The following FREM1 variants were observed in gnomAD, a reference collection of about 807,000 sequenced individuals.
FREM1 encodes the protein FRAS1 related extracellular matrix 1.
In FREM1, 220 loss-of-function variants were observed where a neutral mutation model predicts 210.1. The ratio of observed to expected loss-of-function variants is 1.05; its 90% CI spans 0.94 to 1.17. The LOEUF (loss-of-function observed/expected upper bound fraction) is 1.17. FREM1 is among the 50% of genes most tolerant of loss of function. FREM1 has a pLI of 0.00. For missense variants in FREM1, 3,454 were observed against 2,675.5 expected (o/e 1.29, Z -6.42); for synonymous variants, 1,189 against 980.2 (o/e 1.21, Z -3.98).
At chr9:14,892,979 G>A (rs557452041) in intron 1 of FREM1, among the ~76,000 whole-genome samples, 1 of 152,284 alleles carries the variant, frequency 6.6e-6, no homozygotes, top group Admixed American at 6.5e-5. Context: ...TTGTCAGTTT[G>A]ATACTAGGTG....
intron 1 of FREM1, among the ~76,000 whole-genome samples, chr9:14,887,327 C>G (rs945381895): frequency 4.6e-5 from 7 of 152,192 alleles, no homozygotes; most frequent in African/African-American, 1.7e-4. Flanking sequence ...GAGGTCCCAG[C>G]AGGAGAGCAG....
chr9:14,809,115 G>T (rs1013216418), intron 16 of FREM1, among the ~76,000 whole-genome samples: 9 of 152,158 alleles, frequency 5.9e-5, no homozygotes, highest in African/African-American at 2.2e-4. Flanking sequence ...TCATGATAGT[G>T]AATGAGTCTC....
chr9:14,895,167 T>A (rs1837488742), intron 1 of FREM1, among the ~76,000 whole-genome samples: 1 of 152,198 alleles, frequency 6.6e-6, no homozygotes, highest in South Asian at 2.1e-4. Flanking sequence ...TATTTGAGAT[T>A]CCTTACGGAA....
intron 10 of FREM1, among the ~76,000 whole-genome samples, chr9:14,839,288 T>A (rs1415112519): frequency 6.6e-6 from 1 of 152,188 alleles, no homozygotes; most frequent in Non-Finnish European, 1.5e-5. Flanking sequence ...CAGGGATGAC[T>A]TCAGAGATTC....
chr9:14,866,751 A>G (rs1389596886), intron 2 of FREM1, among the ~76,000 whole-genome samples: 1 of 152,184 alleles, frequency 6.6e-6, no homozygotes, highest in Admixed American at 6.5e-5. Context: ...TCTTTATAAG[A>G]CACCCATATG....
intron 1 of FREM1, among the ~76,000 whole-genome samples, chr9:14,884,854 G>A (rs1835478254): frequency 6.7e-6 from 1 of 148,846 alleles, no homozygotes; most frequent in African/African-American, 2.5e-5. Context: ...CCAACACAAG[G>A]CAAGTGCCTT....
At chr9:14,817,772 G>C (rs985920930) in intron 14 of FREM1, among the ~76,000 whole-genome samples, 13 of 152,286 alleles carry the variant, frequency 8.5e-5, no homozygotes, top group Non-Finnish European at 1.8e-4. Context: ...AACTGAGGTT[G>C]AGGATTCCCT....
chr9:14,785,003 G>T (rs778791178), intron 23 of FREM1, among the ~76,000 whole-genome samples: 1 of 152,204 alleles, frequency 6.6e-6, no homozygotes, highest in Non-Finnish European at 1.5e-5. Context: ...TGGAAAGAGT[G>T]TAAATTGGTA....
At chr9:14,860,727 A>G (rs1353147369) in intron 3 of FREM1, among the ~76,000 whole-genome samples, 1 of 120,108 alleles carries the variant, frequency 8.3e-6, no homozygotes, top group Admixed American at 8.7e-5. Context: ...ACACATATAT[A>G]CACATATATA....
chr9:14,759,733 T>A (rs912089720), intron 28 of FREM1, 39 bp downstream of exon 28: 1 of 1,507,966 alleles, frequency 6.6e-7, no homozygotes, highest in Non-Finnish European at 8.9e-7. Context: ...AAGAACAACA[T>A]AAGTTTTAGC....
Position 14,771,075 on chromosome 9 carries a change from C to T in FREM1, c.4858-269G>A, listed in dbSNP as rs572710945. ...TGACTGCCACTTAGGATACAAGTTC[C>T]GAGAGGGCAGGCGTCAGGTCTTTCA... On this transcript the variant is annotated intron_variant, in intron 25 of 36. Transcript: ENST00000380880. Among the ~76,000 whole-genome samples the T allele has an allele frequency of 1.1e-3, 168 of 152,170 alleles. 1 individual carries two copies. The highest frequency in any genetic ancestry group is 3.1e-3 in the Admixed American group (47 of 15,270).
At chr9:14,868,301 C>T (rs921148865) in intron 2 of FREM1, among the ~76,000 whole-genome samples, 14 of 152,112 alleles carry the variant, frequency 9.2e-5, no homozygotes, top group Admixed American at 7.9e-4. Context: ...TGATGCTTTG[C>T]GCTTTTTCCT....
At chr9:14,840,402 G>A (rs1206120122) in intron 10 of FREM1, among the ~76,000 whole-genome samples, 1 of 152,186 alleles carries the variant, frequency 6.6e-6, no homozygotes. Context: ...TTTAATGGAT[G>A]TACAGTTCCA....
chr9:14,781,224 T>G (rs1849598018), intron 24 of FREM1, among the ~76,000 whole-genome samples: 1 of 152,092 alleles, frequency 6.6e-6, no homozygotes, highest in Admixed American at 6.5e-5. Context: ...CAAGGTGGTG[T>G]CATAAGGCTT....
At chr9:14,754,227 A>C (rs1459420866) in intron 29 of FREM1, among the ~76,000 whole-genome samples, 2 of 152,208 alleles carry the variant, frequency 1.3e-5, no homozygotes, top group Non-Finnish European at 2.9e-5. Flanking sequence ...AACATGAAGT[A>C]GGAAGGGACA....
At chr9:14,811,324 C>T (rs990248371) in intron 16 of FREM1, among the ~76,000 whole-genome samples, 1 of 152,162 alleles carries the variant, frequency 6.6e-6, no homozygotes, top group Non-Finnish European at 1.5e-5. Flanking sequence ...TGTTGTTTAG[C>T]ACTTAGAACA....
chr9:14,792,262 A>ACACACACG (rs1303489089), intron 22 of FREM1, among the ~76,000 whole-genome samples: 2 of 121,184 alleles, frequency 1.7e-5, no homozygotes, highest in African/African-American at 6.1e-5. Context: ...ACACACACCC[A>ACACACACG]CACACACACG....
intron 22 of FREM1, among the ~76,000 whole-genome samples, 155 bp from the exon 23 acceptor site, chr9:14,789,269 T>G (rs537191145): frequency 3.2e-4 from 48 of 152,342 alleles, no homozygotes; most frequent in African/African-American, 1.1e-3. Flanking sequence ...TGATTTTTTT[T>G]TCTTTTCAAA....
chr9:14,779,387 T>C, intron 24 of FREM1: 1 of 520,996 alleles, frequency 1.9e-6, no homozygotes. Context: ...TAAAAGTATG[T>C]CAAATATCAG....
Sources: allele counts gnomAD v4.1 joint callset (sites outside exome capture counted in the v4.1 genomes callset), GRCh38; gene constraint gnomAD v4.1.1; transcripts MANE v1.5; gene names NCBI Gene and HGNC (gene_info 2026-07-23, HGNC 2026-07-21).